The following LGALS16 variants were observed in gnomAD, a reference collection of about 807,000 sequenced individuals.
LGALS16 encodes galectin 16.
Under a neutral mutation model 13.2 loss-of-function variants are expected in LGALS16, and 15 were observed. The observed-to-expected ratio is 1.13, with a 90% confidence interval of 0.76 to 1.75. The LOEUF is 1.75. Among genes scored for constraint, LGALS16 ranks in the 40% most tolerant of loss-of-function variants. The pLI is 0.00. For synonymous variants in LGALS16, 66 were observed against 65.4 expected, an observed-to-expected ratio of 1.01 and a Z score of -0.05; for missense variants, 198 against 178.4, an observed-to-expected ratio of 1.11 and a Z score of -0.63.
At chr19:39,659,920 A>C (rs1029689503) in intron 3 of LGALS16, among the ~76,000 whole-genome samples, 1 of 152,208 alleles carries the variant, frequency 6.6e-6, no homozygotes, top group Non-Finnish European at 1.5e-5. Flanking sequence ...CTCTAAGAAC[A>C]CTGGGTTTCA....
chr19:39,658,878 C>T (rs1266549071), intron 3 of LGALS16, among the ~76,000 whole-genome samples: 1 of 152,208 alleles, frequency 6.6e-6, no homozygotes, highest in Non-Finnish European at 1.5e-5. Context: ...GCTCATCTTC[C>T]ATTTCCCCCA....
intron 3 of LGALS16, 48 bp from the exon 4 acceptor site, chr19:39,660,347 A>G (rs1163302009): frequency 6.5e-7 from 1 of 1,535,712 alleles, no homozygotes; most frequent in Non-Finnish European, 8.7e-7. Context: ...GAGGCTGAAA[A>G]CTTGTTGGGT....
At position 39,660,584 on chromosome 19, in the gene LGALS16, A is replaced by G. The variant is rs1973250234; in HGVS notation, c.*64A>G. On this transcript the variant is annotated 3_prime_UTR_variant, in exon 4 of 4. Transcript: ENST00000392051. ...GACCATGGGATTCCTAGAGCCTGCTAACAGAATAATCCCTCCTCAACCCCT... is the reference window on the plus strand; with the variant it reads ...GACCATGGGATTCCTAGAGCCTGCTGACAGAATAATCCCTCCTCAACCCCT... 3.6e-6 allele frequency: 5 copies of G among 1,407,948 alleles called. No individual in the cohort carries two copies. In the South Asian group the frequency reaches 4.9e-5, roughly 14 times the overall value. 87.2% of individuals were successfully genotyped at this position (1,407,948 alleles called of 1,614,324 possible).
chr19:39,657,820 T>C (rs1973211238), intron 1 of LGALS16, 63 bp from the exon 2 acceptor site: 1 of 1,569,148 alleles, frequency 6.4e-7, no homozygotes, highest in African/African-American at 1.3e-5. Context: ...CATGGGAATA[T>C]GTTACAGGAA....
chr19:39,660,305 G>C, intron 3 of LGALS16, 90 bp from the exon 4 acceptor site: 1 of 1,289,510 alleles, frequency 7.8e-7, no homozygotes, highest in Non-Finnish European at 1.1e-6. Flanking sequence ...TTTTCTTGGG[G>C]AATGTTATTG....
chr19:39,656,101 G>A (rs994914147), intron 1 of LGALS16, 125 bp downstream of exon 1: 1 of 1,019,880 alleles, frequency 9.8e-7, no homozygotes, highest in Middle Eastern at 2.1e-4. Flanking sequence ...AGTTGTGGGT[G>A]TGTGGAAGAG....
chr19:39,658,611 C>T lies in LGALS16; in HGVS notation c.244C>T (p.Pro82Ser). The T allele has an allele frequency of 1.2e-6, 2 of 1,604,788 alleles. No individual in the cohort carries two copies. Among genetic ancestry groups the T allele is most frequent in the Middle Eastern group, 1.7e-4 (1 of 6,058 alleles). Reference protein sequence around the residue: ...WMLEENLHYVPFEDGKPFDLR... With the variant: ...WMLEENLHYVSFEDGKPFDLR... The stretch of plus-strand genomic sequence containing the variant: ...GTTGGAGGAGAATTTACACTATGTG[C>T]CCTTTGAGGATGGCAAACCATTTGA... Residue 82 changes from proline (P) to serine (S), a missense_variant, in exon 3 of 4, where the codon CCC (proline) becomes TCC (serine). By Grantham distance (74) the Pro-to-Ser change is moderately conservative. Coordinates refer to ENST00000392051, the MANE Select transcript of LGALS16 (RefSeq NM_001190441.3).
intron 2 of LGALS16, 89 bp downstream of exon 2, chr19:39,658,048 T>C (rs1973215402): frequency 6.7e-7 from 1 of 1,496,872 alleles, no homozygotes; most frequent in African/African-American, 1.4e-5. Flanking sequence ...GATGTGGAAA[T>C]GTCTAATTGG....
Position 39,657,964 on chromosome 19 carries a change from G to A in LGALS16, c.92+5G>A, listed in dbSNP as rs1412718995. ...GACACTGATCGACTCTTCTATGTGA[G>A]TACTCCATGGTCCAATGGAGGGGGT... On this transcript the variant is annotated splice_donor_5th_base_variant and intron_variant, in intron 2 of 3. Coordinates refer to ENST00000392051, the MANE Select transcript of LGALS16 (RefSeq NM_001190441.3). 20 of 1,613,676 alleles carry A rather than the reference G, an allele frequency of 1.2e-5. No individual in the cohort carries two copies. Among genetic ancestry groups the A allele is most frequent in the Non-Finnish European group, 1.6e-5 (19 of 1,179,936 alleles).
Position 39,656,945 on chromosome 19 carries a change from C to T in LGALS16, c.16-938C>T, listed in dbSNP as rs73930773. On this transcript the variant is annotated intron_variant, in intron 1 of 3. Coordinates refer to ENST00000392051, the MANE Select transcript of LGALS16 (RefSeq NM_001190441.3). ...TGAAGGAACAAGTCTAGTCTCAGTT[C>T]AGACAGAGCTTACAGTGGATATTAA... Among the ~76,000 whole-genome samples the T allele has an allele frequency of 7.4e-3, 1,119 of 151,956 alleles. 16 individuals carry two copies. The highest frequency in any genetic ancestry group is 0.026 in the African/African-American group (1,058 of 41,458).
At chr19:39,657,794 C>G (rs748868540) in intron 1 of LGALS16, 89 bp from the exon 2 acceptor site, 1 of 1,456,864 alleles carries the variant, frequency 6.9e-7, no homozygotes, top group Admixed American at 1.7e-5. Context: ...GCCCTGTGAT[C>G]TCTAACCTCC....
chr19:39,658,561 A>G lies in LGALS16; in HGVS notation c.194A>G (p.Asn65Ser), dbSNP rs1292275563. 6.2e-7 allele frequency: 1 copy of G among 1,608,930 alleles called. No homozygotes were observed. Among genetic ancestry groups the G allele is most frequent in the Admixed American group, 1.7e-5 (1 of 59,654 alleles). The part of the protein sequence containing the change: ...RVHLGRRVVM[N>S]SREFGIWMLE... ...CACTTAGGCCGTCGTGTGGTCATGA[A>G]CAGTCGTGAGTTTGGGATATGGATG... is the stretch of plus-strand genomic sequence containing the variant. Residue 65 changes from asparagine (N) to serine (S), a missense_variant, in exon 3 of 4, where the codon AAC (asparagine) becomes AGC (serine). Transcript: ENST00000392051.
chr19:39,656,337 T>G (rs114582512), intron 1 of LGALS16, among the ~76,000 whole-genome samples: 2,910 of 152,238 alleles, frequency 0.019, 93 homozygotes, highest in African/African-American at 0.064. Context: ...GAGTGTGTGT[T>G]AGCACAGCCA....
intron 2 of LGALS16, 103 bp downstream of exon 2, chr19:39,658,062 G>A: frequency 7.2e-7 from 1 of 1,379,754 alleles, no homozygotes; most frequent in Non-Finnish European, 1.0e-6. Flanking sequence ...TAATTGGCAG[G>A]ATGGAGGCCC....
intron 1 of LGALS16, among the ~76,000 whole-genome samples, chr19:39,656,715 C>T (rs951417160): frequency 1.3e-5 from 2 of 151,972 alleles, no homozygotes; most frequent in Non-Finnish European, 2.9e-5. Context: ...GTGATGGATC[C>T]TCAGGTGGGG....
At chr19:39,659,876 T>G (rs1320732839) in intron 3 of LGALS16, among the ~76,000 whole-genome samples, 4 of 152,196 alleles carry the variant, frequency 2.6e-5, no homozygotes, top group Non-Finnish European at 1.5e-5. Context: ...GAAGATAATA[T>G]CCTATGTTAT....
intron 3 of LGALS16, among the ~76,000 whole-genome samples, chr19:39,659,270 G>T (rs142211215): frequency 0.014 from 2,099 of 151,870 alleles, 52 homozygotes; most frequent in African/African-American, 0.048. Flanking sequence ...TAGTAGAGAC[G>T]GGGTTTCACC....
Position 39,657,694 on chromosome 19 carries a change from A to G in LGALS16, c.16-189A>G, listed in dbSNP as rs1049753414. 5.0e-5 allele frequency: 33 copies of G among 658,420 alleles called. No individual in the cohort carries two copies. In the Middle Eastern group the frequency reaches 2.5e-3, roughly 49 times the overall value. The allele number at this position is 658,420 out of a possible 1,614,324, so 40.8% of individuals were successfully genotyped here. On this transcript the variant is annotated intron_variant, in intron 1 of 3. Coordinates refer to ENST00000392051, the MANE Select transcript of LGALS16 (RefSeq NM_001190441.3). ...TGGAATCCAGGCTTCTTGGCTCCTG[A>G]ACCCTTGCTCTTACCTATGGGTCCA...
In LGALS16 at chr19:39,657,970, C is replaced by T. The variant is rs1973214454; in HGVS notation, c.92+11C>T. ...GATCGACTCTTCTATGTGAGTACTC[C>T]ATGGTCCAATGGAGGGGGTGGAGGA... On this transcript the variant is annotated intron_variant, in intron 2 of 3. Transcript: ENST00000392051. The T allele has an allele frequency of 6.2e-7, 1 of 1,613,562 alleles. No homozygotes were observed. The highest frequency in any genetic ancestry group is 8.5e-7 in the Non-Finnish European group (1 of 1,179,772).
Sources: gnomAD v4.1 joint callset for allele counts (sites outside exome capture counted in the v4.1 genomes callset) on GRCh38, gnomAD v4.1.1 for gene constraint, MANE v1.5 for transcripts, NCBI Gene and HGNC (gene_info 2026-07-23, HGNC 2026-07-21) for gene names.